The following TACR1 variants were observed in gnomAD, a reference collection of about 807,000 sequenced individuals.
The protein encoded by TACR1 is substance-P receptor.
Under a neutral mutation model 35.8 loss-of-function variants are expected in TACR1, and 25 were observed. The observed-to-expected ratio is 0.70, with a 90% CI of 0.51 to 0.98. The LOEUF (loss-of-function observed/expected upper bound fraction) is 0.98. TACR1 is among the 50% of genes least tolerant of loss of function. The pLI is 0.00. For missense variants in TACR1, 478 were observed against 522.9 expected (o/e 0.91, Z 0.84); for synonymous variants, 195 against 206.7 (o/e 0.94, Z 0.48).
In TACR1 at chr2:75,116,307, C is replaced by T. The variant is rs150683387; in HGVS notation, c.584+4267G>A. Among the ~76,000 whole-genome samples, 17 of 152,190 alleles carry T rather than the reference C, an allele frequency of 1.1e-4. No homozygotes were observed. The East Asian group carries it at 2.7e-3, about 24-fold the overall frequency. On this transcript the variant is annotated intron_variant, in intron 2 of 4. Coordinates refer to ENST00000305249, the MANE Select transcript of TACR1 (RefSeq NM_001058.4). ...TAGAGAGGGGGTTTCACCATGTTGC[C>T]CAGGCTGGTCTTGAACTCCTGAGCT...
rs114919074 is a variant in TACR1, at chr2:75,120,595, G to A, written c.563C>T (p.Pro188Leu). The change falls in exon 2 of 5, where the codon CCG becomes CTG. Residue 188 changes from proline (P) to leucine (L), a missense_variant. Transcript: ENST00000305249. Reference sequence around the variant, plus strand: ...TCACACTTTCTCATAAATCTTGTTCGGATGCTCTGGCCATTCGATCATGCA... The same window carrying A: ...TCACACTTTCTCATAAATCTTGTTCAGATGCTCTGGCCATTCGATCATGCA... ...VVCMIEWPEH[P>L]NKIYEKVYHI... 44 of 1,604,308 alleles carry A rather than the reference G, an allele frequency of 2.7e-5. No homozygotes were observed. In the African/African-American group the frequency reaches 2.9e-4, roughly 11 times the overall value.
At chr2:75,125,007 T>C (rs757998736) in intron 1 of TACR1, among the ~76,000 whole-genome samples, 5 of 152,188 alleles carry the variant, frequency 3.3e-5, no homozygotes, top group Non-Finnish European at 7.3e-5. Flanking sequence ...ATCTGGGATG[T>C]TTTTCCTCCT....
chr2:75,084,822 T>C (rs1026310662), intron 2 of TACR1, among the ~76,000 whole-genome samples: 10 of 152,216 alleles, frequency 6.6e-5, no homozygotes, highest in African/African-American at 2.4e-4. Flanking sequence ...CTCTCTTTTC[T>C]TTTTTATTAG....
Position 75,120,703 on chromosome 2 carries a change from C to T in TACR1, c.455G>A (p.Cys152Tyr), listed in dbSNP as rs777435415. 6.2e-7 allele frequency: 1 copy of T among 1,614,018 alleles called. No individual in the cohort carries two copies. The highest frequency in any genetic ancestry group is 2.2e-5 in the East Asian group (1 of 44,872). ...LSATATKVVI[C>Y]VIWVLALLLA... Reference sequence around the variant, plus strand: ...CAGGAGAGCCAGGACCCAGATGACACAGATGACCACTTTGGTGGCTGTGGC... The same window carrying T: ...CAGGAGAGCCAGGACCCAGATGACATAGATGACCACTTTGGTGGCTGTGGC... Residue 152 changes from cysteine to tyrosine, a missense_variant, in exon 2 of 5, where the codon TGT becomes TAT. Coordinates refer to ENST00000305249, the MANE Select transcript of TACR1 (RefSeq NM_001058.4).
At chr2:75,177,225 CT>C (rs1257798807) in intron 1 of TACR1, among the ~76,000 whole-genome samples, 2 of 152,036 alleles carry the variant, frequency 1.3e-5, no homozygotes, top group Non-Finnish European at 2.9e-5. Context: ...CATTTCTTGA[CT>C]CATTTATTGC....
chr2:75,166,574 C>T (rs1346302276), intron 1 of TACR1, among the ~76,000 whole-genome samples: 1 of 152,150 alleles, frequency 6.6e-6, no homozygotes, highest in African/African-American at 2.4e-5. Context: ...TGGTCTTTGG[C>T]CTTGGGGCTC....
intron 1 of TACR1, chr2:75,188,283 G>A (rs2104072867): frequency 6.6e-6 from 1 of 152,300 alleles, no homozygotes; most frequent in South Asian, 2.1e-4. Flanking sequence ...TATTCAAGTG[G>A]ATGTTTCTCT....
rs946208708 is a variant in TACR1, at chr2:75,046,860, G to A, written c.*2572C>T. The A allele has an allele frequency of 1.3e-5, 2 of 152,168 alleles. No individual in the cohort carries two copies. Among genetic ancestry groups the A allele is most frequent in the African/African-American group, 4.8e-5 (2 of 41,438 alleles). The allele number at this position is 152,168 out of a possible 1,614,324, so 9.4% of individuals were successfully genotyped here. Reference sequence around the variant, plus strand: ...TGAGATCTCACATTTTGGAAGTCACGTAACAAAGATGGTTCCTTGATATTT... The same window carrying A: ...TGAGATCTCACATTTTGGAAGTCACATAACAAAGATGGTTCCTTGATATTT... On this transcript the variant is annotated 3_prime_UTR_variant, in exon 5 of 5. Transcript: ENST00000305249.
At chr2:75,164,334 A>AG (rs1389596990) in intron 1 of TACR1, among the ~76,000 whole-genome samples, 3 of 151,676 alleles carry the variant, frequency 2.0e-5, no homozygotes, top group Non-Finnish European at 2.9e-5. Flanking sequence ...CTTAAAAAAA[A>AG]AAAAAAGAAA....
intron 1 of TACR1, among the ~76,000 whole-genome samples, chr2:75,166,080 G>C (rs2104004037): frequency 6.6e-6 from 1 of 152,302 alleles, no homozygotes; most frequent in East Asian, 1.9e-4. Flanking sequence ...AGAGGAGTGA[G>C]ACTCTAGGTC....
chr2:75,158,625 A>G (rs956569579), intron 1 of TACR1, among the ~76,000 whole-genome samples: 1 of 152,178 alleles, frequency 6.6e-6, no homozygotes, highest in East Asian at 1.9e-4. Flanking sequence ...TTTTGTTGAA[A>G]TGCCTGCTGA....
chr2:75,144,983 G>A (rs774812230), intron 1 of TACR1, among the ~76,000 whole-genome samples: 1 of 151,964 alleles, frequency 6.6e-6, no homozygotes, highest in Non-Finnish European at 1.5e-5. Context: ...AGTATAGTAG[G>A]AATTTTAGAA....
At position 75,137,585 on chromosome 2, in the gene TACR1, T is replaced by C. The variant is rs548396714; in HGVS notation, c.390-16817A>G. 3.9e-4 allele frequency among the ~76,000 whole-genome samples: 59 copies of C among 151,336 alleles called. No individual in the cohort carries two copies. The East Asian group carries it at 0.011, about 28-fold the overall frequency. On this transcript the variant is annotated intron_variant, in intron 1 of 4. Transcript: ENST00000305249. ...CTAACAACACAAAATCAAACTTAGC[T>C]GGGCGTGGTGGCGGGCGACTGTAGT...
At chr2:75,102,031 A>G (rs889864208) in intron 2 of TACR1, among the ~76,000 whole-genome samples, 1 of 152,200 alleles carries the variant, frequency 6.6e-6, no homozygotes, top group Non-Finnish European at 1.5e-5. Flanking sequence ...GGCATATGTG[A>G]GATAAGCAGA....
chr2:75,184,248 G>A (rs958215038), intron 1 of TACR1, among the ~76,000 whole-genome samples: 1 of 151,972 alleles, frequency 6.6e-6, no homozygotes, highest in African/African-American at 2.4e-5. Flanking sequence ...AACACAATTG[G>A]CAAATTAAGT....
chr2:75,089,017 T>A (rs1673245055), intron 2 of TACR1, among the ~76,000 whole-genome samples: 1 of 152,130 alleles, frequency 6.6e-6, no homozygotes, highest in Admixed American at 6.5e-5. Flanking sequence ...CACTTTTCCA[T>A]CTGATTATAG....
chr2:75,172,005 A>G (rs372248106), intron 1 of TACR1, among the ~76,000 whole-genome samples: 1 of 152,192 alleles, frequency 6.6e-6, no homozygotes, highest in Admixed American at 6.5e-5. Flanking sequence ...GAGAGGGACC[A>G]TGGGTGGAAT....
In TACR1 at chr2:75,175,462, T is replaced by C. The variant is rs372402149; in HGVS notation, c.389+23084A>G. Among the ~76,000 whole-genome samples, 5 of 152,076 alleles carry C rather than the reference T, an allele frequency of 3.3e-5. No homozygotes were observed. The East Asian group carries it at 7.7e-4, about 23-fold the overall frequency. On this transcript the variant is annotated intron_variant, in intron 1 of 4. Transcript: ENST00000305249. The stretch of plus-strand genomic sequence containing the variant: ...CTGGGGTTCAGAAATCCAAAGTGAG[T>C]TTTGCTGGCTTAAAATAAAGATGTC...
chr2:75,094,856 TATA>T (rs199676752), intron 2 of TACR1, among the ~76,000 whole-genome samples: 1,429 of 86,656 alleles, frequency 0.016, 46 homozygotes, highest in Admixed American at 0.07. Flanking sequence ...TATATATATA[TATA>T]TTTTTTTTTT....
Sources: allele counts gnomAD v4.1 joint callset (sites outside exome capture counted in the v4.1 genomes callset), GRCh38; gene constraint gnomAD v4.1.1; transcripts MANE v1.5; gene names NCBI Gene and HGNC (gene_info 2026-07-23, HGNC 2026-07-21).